Variants in SPOCK3 observed in about 807,000 individuals in gnomAD.
SPOCK3 encodes SPARC (osteonectin), cwcv and kazal like domains proteoglycan 3, also known as testican-3.
SPOCK3 carries 30 observed loss-of-function variants against 56.6 expected under a neutral mutation model. The ratio of observed to expected loss-of-function variants is 0.53; its 90% CI spans 0.40 to 0.72. The LOEUF (loss-of-function observed/expected upper bound fraction) is 0.72, where lower values mean the gene tolerates loss of function less well. SPOCK3 is among the 30% of genes least tolerant of loss of function. SPOCK3 has a pLI of 0.00. For synonymous variants in SPOCK3, 196 were observed against 183.3 expected, an observed-to-expected ratio of 1.07 and a Z score of -0.56; for missense variants, 527 against 530.0, an observed-to-expected ratio of 0.99 and a Z score of 0.06.
chr4:166,884,363 CAA>C (rs548135117), intron 6 of SPOCK3, among the ~76,000 whole-genome samples: 1 of 112,090 alleles, frequency 8.9e-6, no homozygotes, highest in African/African-American at 3.4e-5. Flanking sequence ...ACAACAACAA[CAA>C]AAAAAAAAAT....
chr4:167,090,762 C>A (rs1758633825), intron 2 of SPOCK3, among the ~76,000 whole-genome samples: 1 of 152,104 alleles, frequency 6.6e-6, no homozygotes, highest in Non-Finnish European at 1.5e-5. Flanking sequence ...CTCGTCCTCC[C>A]AAAGTGCTGG....
Position 167,127,376 on chromosome 4 carries a change from G to GA in SPOCK3, c.190-64840dup, listed in dbSNP as rs1229852223. 1.4e-4 allele frequency among the ~76,000 whole-genome samples: 20 copies of GA among 145,366 alleles called. No individual in the cohort carries two copies. In the East Asian group the frequency reaches 2.2e-3, roughly 16 times the overall value. On this transcript the variant is annotated intron_variant, in intron 2 of 10. Coordinates refer to ENST00000357545, the MANE Select transcript of SPOCK3 (RefSeq NM_001040159.2). ...AAAAAAACTACTTTTTTATATTACA[G>GA]AAAAAAAAATAAGCCACCTAAAAGG...
chr4:166,740,651 G>T (rs1734746824), intron 9 of SPOCK3, among the ~76,000 whole-genome samples: 1 of 151,942 alleles, frequency 6.6e-6, no homozygotes, highest in Non-Finnish European at 1.5e-5. Flanking sequence ...TCAGGCGCCA[G>T]AGTAGCTGTG....
chr4:166,862,124 A>G (rs939736313), intron 6 of SPOCK3, among the ~76,000 whole-genome samples: 18 of 152,240 alleles, frequency 1.2e-4, no homozygotes, highest in Admixed American at 7.9e-4. Context: ...TTAAGTGTGT[A>G]TAAATTCAGG....
intron 6 of SPOCK3, among the ~76,000 whole-genome samples, chr4:166,794,350 T>C (rs1741677042): frequency 6.6e-6 from 1 of 151,970 alleles, no homozygotes; most frequent in African/African-American, 2.4e-5. Context: ...AAAAACCTAC[T>C]TGAAAAGGAG....
At chr4:166,763,767 G>C (rs1737568589) in intron 7 of SPOCK3, among the ~76,000 whole-genome samples, 1 of 152,018 alleles carries the variant, frequency 6.6e-6, no homozygotes, top group African/African-American at 2.4e-5. Context: ...ATAAACCCTA[G>C]AGCAAACACC....
chr4:166,838,503 T>C (rs1746864279), intron 6 of SPOCK3, among the ~76,000 whole-genome samples: 1 of 152,004 alleles, frequency 6.6e-6, no homozygotes, highest in Admixed American at 6.6e-5. Context: ...TTGGTTTTTA[T>C]ATTTTTTAAT....
At chr4:166,902,869 A>G (rs1736205518) in intron 5 of SPOCK3, among the ~76,000 whole-genome samples, 1 of 150,698 alleles carries the variant, frequency 6.6e-6, no homozygotes, top group African/African-American at 2.4e-5. Flanking sequence ...GAATATTTCA[A>G]TATCTTTTTA....
Position 166,839,389 on chromosome 4 carries a change from C to T in SPOCK3, c.590-47100G>A, listed in dbSNP as rs186703290. On this transcript the variant is annotated intron_variant, in intron 6 of 10. Coordinates refer to ENST00000357545, the MANE Select transcript of SPOCK3 (RefSeq NM_001040159.2). ...ACAACAGGAAGAAGGGGTCTCATTA[C>T]CACTGGGTGGTAGTGAAAGTCTTGA... Among the ~76,000 whole-genome samples the T allele has an allele frequency of 2.6e-5, 4 of 152,270 alleles. No individual in the cohort carries two copies. The East Asian group carries it at 7.7e-4, about 29-fold the overall frequency.
At chr4:167,189,569 G>C (rs1406455657) in intron 2 of SPOCK3, among the ~76,000 whole-genome samples, 1 of 145,136 alleles carries the variant, frequency 6.9e-6, no homozygotes, top group Non-Finnish European at 1.5e-5. Flanking sequence ...AATCTGATAT[G>C]CCAAAACCAA....
Position 166,912,610 on chromosome 4 carries a change from G to A in SPOCK3, c.474+10C>T, listed in dbSNP as rs1451021224. 4.3e-6 allele frequency: 7 copies of A among 1,613,112 alleles called. No individual in the cohort carries two copies. The highest frequency in any genetic ancestry group is 5.9e-6 in the Non-Finnish European group (7 of 1,179,508). The stretch of plus-strand genomic sequence containing the variant: ...CTTATTTCAAACTAAACAACTGTAG[G>A]TGTCTTTACCTGAAAAGAGTAGGTA... On this transcript the variant is annotated intron_variant, in intron 5 of 10. Coordinates refer to ENST00000357545, the MANE Select transcript of SPOCK3 (RefSeq NM_001040159.2).
At chr4:167,048,224 G>A (rs574574191) in intron 3 of SPOCK3, among the ~76,000 whole-genome samples, 2 of 151,592 alleles carry the variant, frequency 1.3e-5, no homozygotes, top group East Asian at 3.9e-4. Flanking sequence ...AATAGTAGAA[G>A]TAAACATGTT....
chr4:167,080,834 TTCTTG>T (rs1467328317), intron 2 of SPOCK3, among the ~76,000 whole-genome samples: 4 of 151,830 alleles, frequency 2.6e-5, no homozygotes, highest in Non-Finnish European at 5.9e-5. Flanking sequence ...CTATGCCAAC[TTCTTG>T]TCTTATCTTG....
At chr4:166,938,551 A>T (rs917052226) in intron 4 of SPOCK3, among the ~76,000 whole-genome samples, 14 of 152,156 alleles carry the variant, frequency 9.2e-5, no homozygotes, top group Non-Finnish European at 1.8e-4. Context: ...AATTCATGAT[A>T]AAAATGTGAA....
intron 2 of SPOCK3, among the ~76,000 whole-genome samples, chr4:167,064,934 C>A (rs1038098956): frequency 6.7e-6 from 1 of 148,410 alleles, no homozygotes; most frequent in African/African-American, 2.5e-5. Flanking sequence ...GGCAACACCA[C>A]GGACAAGCTG....
chr4:166,836,114 TA>T (rs1391639860), intron 6 of SPOCK3, among the ~76,000 whole-genome samples: 1 of 152,238 alleles, frequency 6.6e-6, no homozygotes, highest in Non-Finnish European at 1.5e-5. Flanking sequence ...AGTACAATTT[TA>T]TTATAACTTT....
At chr4:167,111,136 T>G (rs887416243) in intron 2 of SPOCK3, among the ~76,000 whole-genome samples, 10 of 152,058 alleles carry the variant, frequency 6.6e-5, no homozygotes, top group Non-Finnish European at 1.0e-4. Flanking sequence ...ATAGACTATA[T>G]ATTTGTATAT....
chr4:167,048,309 G>T (rs1319600487), intron 3 of SPOCK3, among the ~76,000 whole-genome samples: 1 of 151,338 alleles, frequency 6.6e-6, no homozygotes, highest in Non-Finnish European at 1.5e-5. Flanking sequence ...TAGATTGTTA[G>T]GTAATTTACA....
At chr4:167,182,197 T>C (rs2110764882) in intron 2 of SPOCK3, among the ~76,000 whole-genome samples, 1 of 152,264 alleles carries the variant, frequency 6.6e-6, no homozygotes, top group East Asian at 1.9e-4. Context: ...TTTTTTTCCC[T>C]TGGTTATCAA....
Sources: allele counts gnomAD v4.1 joint callset (sites outside exome capture counted in the v4.1 genomes callset), GRCh38; gene constraint gnomAD v4.1.1; transcripts MANE v1.5; gene names NCBI Gene and HGNC (gene_info 2026-07-23, HGNC 2026-07-21).